Variants in FRMD5 observed in about 807,000 individuals in gnomAD.
The protein encoded by FRMD5 is FERM domain containing 5.
In FRMD5, 20 loss-of-function variants were observed where a neutral mutation model predicts 69.0. That is an observed-to-expected ratio of 0.29 (90% CI 0.20 to 0.42). FRMD5 has a LOEUF of 0.42. Among genes scored for constraint, FRMD5 ranks in the 10% least tolerant of loss-of-function variants. The probability of loss-of-function intolerance (pLI) is 1.00; values close to 1 mark genes in which losing one functional copy is unlikely to be tolerated. For missense variants in FRMD5, 595 were observed against 708.6 expected (o/e 0.84, Z 1.82); for synonymous variants, 271 against 260.1 (o/e 1.04, Z -0.40).
chr15:44,072,245 C>T lies in FRMD5; in HGVS notation c.102+122708G>A, dbSNP rs961567399. 7.9e-5 allele frequency among the ~76,000 whole-genome samples: 12 copies of T among 152,120 alleles called. No individual in the cohort carries two copies. The South Asian group carries it at 1.7e-3, about 21-fold the overall frequency. On this transcript the variant is annotated intron_variant, in intron 1 of 13. Coordinates refer to ENST00000417257, the MANE Select transcript of FRMD5 (RefSeq NM_032892.5). ...AAACATGCTTTAGACCTATCGACCT[C>T]GTAAGTTCTTTTTTAAAGATTCTAA...
intron 2 of FRMD5, 22 bp downstream of exon 2, chr15:43,924,183 T>C: frequency 1.3e-6 from 2 of 1,551,044 alleles, no homozygotes; most frequent in Non-Finnish European, 1.8e-6. Context: ...GTCCTCCTTT[T>C]GTGCTTTGAA....
intron 6 of FRMD5, among the ~76,000 whole-genome samples, chr15:43,903,157 A>G (rs2089087515): frequency 6.6e-6 from 1 of 152,216 alleles, no homozygotes; most frequent in Admixed American, 6.5e-5. Context: ...TGGCAGAATA[A>G]CCATCAGGCT....
intron 1 of FRMD5, among the ~76,000 whole-genome samples, chr15:44,103,671 T>C (rs180950722): frequency 1.7e-3 from 261 of 152,346 alleles, no homozygotes; most frequent in African/African-American, 5.9e-3. Context: ...CCCATATCCA[T>C]TAGCAAGCAA....
chr15:43,924,811 C>T (rs1347268226), intron 1 of FRMD5, among the ~76,000 whole-genome samples: 1 of 152,154 alleles, frequency 6.6e-6, no homozygotes, highest in Non-Finnish European at 1.5e-5. Flanking sequence ...TCAGTCCATT[C>T]TCCGCACAGC....
At chr15:44,034,965 T>C (rs1309205026) in intron 1 of FRMD5, among the ~76,000 whole-genome samples, 1 of 152,210 alleles carries the variant, frequency 6.6e-6, no homozygotes, top group African/African-American at 2.4e-5. Flanking sequence ...GCTGGTTCCC[T>C]GAAACAGTGA....
intron 1 of FRMD5, among the ~76,000 whole-genome samples, chr15:44,013,412 A>G (rs986627090): frequency 2.0e-5 from 3 of 152,304 alleles, no homozygotes; most frequent in Non-Finnish European, 4.4e-5. Flanking sequence ...GCATTTTCTC[A>G]CTGATTCAAT....
chr15:43,973,998 T>C (rs571489093), intron 1 of FRMD5, among the ~76,000 whole-genome samples: 1 of 151,836 alleles, frequency 6.6e-6, no homozygotes, highest in Non-Finnish European at 1.5e-5. Context: ...TAGGATCCCA[T>C]TGAACATATC....
chr15:44,105,732 TA>T (rs752582676), intron 1 of FRMD5, among the ~76,000 whole-genome samples: 1 of 152,156 alleles, frequency 6.6e-6, no homozygotes, highest in Non-Finnish European at 1.5e-5. Flanking sequence ...ACTTAGTCTT[TA>T]AAAAAATGGA....
At position 44,188,179 on chromosome 15, in the gene FRMD5, G is replaced by A. The variant is rs147739295; in HGVS notation, c.102+6774C>T. 3.3e-3 allele frequency among the ~76,000 whole-genome samples: 499 copies of A among 152,172 alleles called. 4 individuals carry two copies. The highest frequency in any genetic ancestry group is 0.011 in the African/African-American group (445 of 41,516). The stretch of plus-strand genomic sequence containing the variant: ...CAATAATCTACTGTTTTTAGGTCAG[G>A]AGAGACAAAAAATACTAACCAATAA... On this transcript the variant is annotated intron_variant, in intron 1 of 13. Transcript: ENST00000417257.
chr15:43,952,297 A>G (rs1031271349), intron 1 of FRMD5, among the ~76,000 whole-genome samples: 2 of 152,286 alleles, frequency 1.3e-5, no homozygotes, highest in Non-Finnish European at 1.5e-5. Flanking sequence ...GCTCAGGCTA[A>G]TGTTCTATTA....
intron 1 of FRMD5, among the ~76,000 whole-genome samples, chr15:43,988,248 C>T (rs1299754264): frequency 1.3e-5 from 2 of 152,090 alleles, no homozygotes; most frequent in South Asian, 2.1e-4. Context: ...CTAGCCACAA[C>T]ATTCCCTTAA....
chr15:43,972,420 T>C (rs570132855), intron 1 of FRMD5, among the ~76,000 whole-genome samples: 5 of 152,194 alleles, frequency 3.3e-5, no homozygotes, highest in Admixed American at 2.0e-4. Context: ...GCTGTGACCA[T>C]AGACTAATGG....
At chr15:44,006,407 T>C (rs947410275) in intron 1 of FRMD5, among the ~76,000 whole-genome samples, 5 of 152,230 alleles carry the variant, frequency 3.3e-5, no homozygotes, top group Admixed American at 6.5e-5. Flanking sequence ...ATTAATGTTG[T>C]TTTCATGCTT....
At chr15:44,026,926 GTAAA>G (rs1333277394) in intron 1 of FRMD5, among the ~76,000 whole-genome samples, 6 of 152,160 alleles carry the variant, frequency 3.9e-5, no homozygotes, top group Non-Finnish European at 7.3e-5. Context: ...TCTGGCGTAA[GTAAA>G]TAAACAGGTG....
intron 1 of FRMD5, among the ~76,000 whole-genome samples, chr15:44,180,344 T>C (rs2077976105): frequency 6.6e-6 from 1 of 152,168 alleles, no homozygotes; most frequent in African/African-American, 2.4e-5. Context: ...AGATATGTAA[T>C]ATGGACTTTA....
chr15:44,193,343 A>G (rs1174594499), intron 1 of FRMD5, among the ~76,000 whole-genome samples: 1 of 152,262 alleles, frequency 6.6e-6, no homozygotes, highest in Non-Finnish European at 1.5e-5. Context: ...ATTTTAAAAC[A>G]AAAGGATAAA....
intron 6 of FRMD5, among the ~76,000 whole-genome samples, chr15:43,902,911 C>T (rs1178756696): frequency 6.6e-6 from 1 of 152,162 alleles, no homozygotes; most frequent in East Asian, 1.9e-4. Flanking sequence ...GCCACCCAGC[C>T]CTCTTCCTTT....
chr15:43,996,832 G>A (rs1460244626), intron 1 of FRMD5, among the ~76,000 whole-genome samples: 1 of 146,038 alleles, frequency 6.8e-6, no homozygotes, highest in Non-Finnish European at 1.5e-5. Context: ...TGGATCTACT[G>A]AAAGCAGAAA....
At chr15:44,059,564 T>C (rs1893006841) in intron 1 of FRMD5, among the ~76,000 whole-genome samples, 3 of 152,186 alleles carry the variant, frequency 2.0e-5, no homozygotes, top group Admixed American at 2.0e-4. Context: ...CAGACTGGAG[T>C]GCAGTGGCAC....
Sources: gnomAD v4.1 joint callset for allele counts (sites outside exome capture counted in the v4.1 genomes callset) on GRCh38, gnomAD v4.1.1 for gene constraint, MANE v1.5 for transcripts, NCBI Gene and HGNC (gene_info 2026-07-23, HGNC 2026-07-21) for gene names.